Variants in PRR14L observed in about 807,000 individuals in gnomAD.
PRR14L encodes protein PRR14L.
Under a neutral mutation model 155.0 loss-of-function variants are expected in PRR14L, and 80 were observed. The ratio of observed to expected loss-of-function variants is 0.52; its 90% confidence interval spans 0.43 to 0.62. The LOEUF is 0.62. Among genes scored for constraint, PRR14L ranks in the 20% least tolerant of loss-of-function variants. PRR14L has a pLI of 0.00. For missense variants in PRR14L, 2,469 were observed against 2,548.0 expected (o/e 0.97, Z 0.67); for synonymous variants, 883 against 916.0 (o/e 0.96, Z 0.65).
chr22:31,715,356 A>T lies in PRR14L; in HGVS notation c.2483T>A (p.Phe828Tyr), dbSNP rs1326000381. The T allele has an allele frequency of 1.3e-6, 2 of 1,552,084 alleles. No homozygotes were observed. Among genetic ancestry groups the T allele is most frequent in the South Asian group, 2.4e-5 (2 of 84,066 alleles). The change falls in exon 4 of 9, where the codon TTT (phenylalanine) becomes TAT (tyrosine). Residue 828 changes from phenylalanine (F) to tyrosine (Y), a missense_variant. Physicochemically the swap from Phe to Tyr is conservative, Grantham distance 22 (BLOSUM62 3). Coordinates refer to ENST00000327423, the MANE Select transcript of PRR14L (RefSeq NM_173566.3). ...NSLITKYENA[F>Y]QHRDHCCQGT... ...TTGGCAGCAGTGATCACGGTGCTGA[A>T]ATGCATTTTCATATTTTGTTATCAA...
In PRR14L at chr22:31,714,455, T is replaced by C. The variant is rs1285328083; in HGVS notation, c.3384A>G (p.Ile1128Met). 2.6e-6 allele frequency: 4 copies of C among 1,551,788 alleles called. No homozygotes were observed. The highest frequency in any genetic ancestry group is 3.5e-6 in the Non-Finnish European group (4 of 1,146,996). Residue 1128 changes from isoleucine to methionine, a missense_variant, in exon 4 of 9, where the codon ATA becomes ATG. Physicochemically the swap from Ile to Met is conservative, Grantham distance 10. Coordinates refer to ENST00000327423, the MANE Select transcript of PRR14L (RefSeq NM_173566.3). ...ATACGTTTTCTTCACATGATTTTTT[T>C]ATTTTGAGAAAGTCCACTGTAGAAG... ...TAASTVDFLK[I>M]KKSCEENVCR...
At chr22:31,708,730 G>C (rs901776959) in intron 4 of PRR14L, among the ~76,000 whole-genome samples, 2 of 151,872 alleles carry the variant, frequency 1.3e-5, no homozygotes, top group African/African-American at 4.8e-5. Flanking sequence ...AACCTCTGCT[G>C]ATTCTTGTGC....
chr22:31,721,772 T>G (rs1012032770), intron 3 of PRR14L, among the ~76,000 whole-genome samples: 1 of 152,224 alleles, frequency 6.6e-6, no homozygotes. Context: ...TCTTTTCAAA[T>G]TATACGATGT....
At chr22:31,724,335 T>C (rs1014427791) in intron 3 of PRR14L, among the ~76,000 whole-genome samples, 7 of 152,250 alleles carry the variant, frequency 4.6e-5, no homozygotes, top group Non-Finnish European at 8.8e-5. Context: ...AAAAACTGTC[T>C]TGCACGAAAC....
chr22:31,725,336 G>A (rs568959631), intron 3 of PRR14L, among the ~76,000 whole-genome samples: 1 of 152,296 alleles, frequency 6.6e-6, no homozygotes, highest in African/African-American at 2.4e-5. Flanking sequence ...AGCCCGGGAG[G>A]TTGAGGCTGC....
intron 4 of PRR14L, among the ~76,000 whole-genome samples, chr22:31,710,017 T>G (rs1854909645): frequency 6.6e-6 from 1 of 152,122 alleles, no homozygotes; most frequent in African/African-American, 2.4e-5. Flanking sequence ...CCTGGCTCAC[T>G]GCAACCTCTG....
In PRR14L at chr22:31,714,491, T is replaced by C. The variant is rs1436927977; in HGVS notation, c.3348A>G (p.Pro1116=). ...AGTCCACTGTAGAAGCAGCAGTAACTGGGAAATCTGAATCCTGACCAGTTG... is the reference window on the plus strand; with the variant it reads ...AGTCCACTGTAGAAGCAGCAGTAACCGGGAAATCTGAATCCTGACCAGTTG... ...TGTTGQDSDF[P]VTAASTVDFL... is the part of the protein sequence containing the mutation. Residue 1116 remains proline, a synonymous_variant, in exon 4 of 9, where the codon CCA becomes CCG. Transcript: ENST00000327423. 11 of 1,552,054 alleles carry C rather than the reference T, an allele frequency of 7.1e-6. No homozygotes were observed. In the Admixed American group the frequency reaches 1.6e-4, roughly 22 times the overall value.
intron 2 of PRR14L, among the ~76,000 whole-genome samples, chr22:31,736,774 C>T (rs1346207124): frequency 6.6e-6 from 1 of 152,082 alleles, no homozygotes; most frequent in Non-Finnish European, 1.5e-5. Context: ...CATGGTGGCT[C>T]CTGCCTGTAA....
chr22:31,722,498 G>A (rs930331394), intron 3 of PRR14L, among the ~76,000 whole-genome samples: 2 of 150,844 alleles, frequency 1.3e-5, no homozygotes, highest in Non-Finnish European at 3.0e-5. Flanking sequence ...CTGGAGACAA[G>A]CTTGGTTTCT....
Position 31,713,573 on chromosome 22 carries a change from A to G in PRR14L, c.4266T>C (p.Ser1422=), listed in dbSNP as rs576341806. ...GATTTTGTGCATCATCTAACAACAG[A>G]CTAGATGATATGCACTGTTGCGATA... ...HTISQQCISS[S]LLLDDAQNQN... The change falls in exon 4 of 9, where the codon AGT becomes AGC. Residue 1422 remains serine, a synonymous_variant. Transcript: ENST00000327423. 6 of 1,551,910 alleles carry G rather than the reference A, an allele frequency of 3.9e-6. No individual in the cohort carries two copies. The highest frequency in any genetic ancestry group is 5.2e-6 in the Non-Finnish European group (6 of 1,147,066).
At chr22:31,703,748 T>C (rs748728914) in intron 5 of PRR14L, 27 bp from the exon 6 acceptor site, 3 of 1,425,328 alleles carry the variant, frequency 2.1e-6, no homozygotes, top group South Asian at 1.5e-5. Flanking sequence ...AAAGAAGATA[T>C]GAGAGGGGTT....
chr22:31,707,391 T>C (rs1309275641), intron 4 of PRR14L, among the ~76,000 whole-genome samples: 3 of 152,072 alleles, frequency 2.0e-5, no homozygotes, highest in Non-Finnish European at 2.9e-5. Context: ...ACAACCTATT[T>C]TTTTTGGGAG....
chr22:31,706,364 CAAAA>C (rs1192585065), intron 4 of PRR14L, among the ~76,000 whole-genome samples: 2 of 57,132 alleles, frequency 3.5e-5, no homozygotes, highest in African/African-American at 6.3e-5. Flanking sequence ...CTCTATCTCA[CAAAA>C]AAAAAAAAAA....
At chr22:31,691,048 C>G (rs1432989017) in intron 7 of PRR14L, among the ~76,000 whole-genome samples, 1 of 151,638 alleles carries the variant, frequency 6.6e-6, no homozygotes, top group East Asian at 1.9e-4. Context: ...ACTGCAACAT[C>G]CGCATTCCGG....
At position 31,714,674 on chromosome 22, in the gene PRR14L, G is replaced by A. The variant is rs763408258; in HGVS notation, c.3165C>T (p.Ile1055=). 13 of 1,551,866 alleles carry A rather than the reference G, an allele frequency of 8.4e-6. No individual in the cohort carries two copies. The highest frequency in any genetic ancestry group is 7.8e-5 in the Admixed American group (4 of 50,974). The stretch of plus-strand genomic sequence containing the variant: ...GCTTATTACTACAGTCCGTGTAGAC[G>A]ATGTCTACCATACCTTCTGTGGACT... ...CDESTEGMVD[I]VYTDCSNKLA... Residue 1055 remains isoleucine, a synonymous_variant, in exon 4 of 9, where the codon ATC becomes ATT. Coordinates refer to ENST00000327423, the MANE Select transcript of PRR14L (RefSeq NM_173566.3).
intron 2 of PRR14L, among the ~76,000 whole-genome samples, chr22:31,733,557 G>A (rs567741489): frequency 1.3e-5 from 2 of 151,946 alleles, no homozygotes; most frequent in Non-Finnish European, 2.9e-5. Context: ...CACCCGCCTC[G>A]GCCCCCCGAA....
chr22:31,700,737 G>A (rs2147856746), intron 7 of PRR14L, among the ~76,000 whole-genome samples: 1 of 152,260 alleles, frequency 6.6e-6, no homozygotes, highest in South Asian at 2.1e-4. Context: ...TGCAGTTTTA[G>A]TAGAGACGGG....
chr22:31,700,464 A>G (rs2074557452), intron 7 of PRR14L, among the ~76,000 whole-genome samples: 1 of 152,276 alleles, frequency 6.6e-6, no homozygotes, highest in South Asian at 2.1e-4. Flanking sequence ...GAAGTGGAAC[A>G]TCAATCATGA....
rs1365392914 is a variant in PRR14L, at chr22:31,738,484, C to A, written c.377G>T (p.Gly126Val). 1 of 1,552,122 alleles carries A rather than the reference C, an allele frequency of 6.4e-7. No individual in the cohort carries two copies. Among genetic ancestry groups the A allele is most frequent in the African/African-American group, 1.4e-5 (1 of 73,166 alleles). The change falls in exon 2 of 9, where the codon GGG becomes GTG. Residue 126 changes from glycine (G) to valine (V), a missense_variant. Coordinates refer to ENST00000327423, the MANE Select transcript of PRR14L (RefSeq NM_173566.3). ...SMEPKVFRDP[G>V]GQAGIIREPS... The stretch of plus-strand genomic sequence containing the variant: ...TTCTCTTATAATTCCTGCCTGGCCC[C>A]CTGGATCTCTGAAGACCTTTGGCTC...
Sources: allele counts gnomAD v4.1 joint callset (sites outside exome capture counted in the v4.1 genomes callset), GRCh38; gene constraint gnomAD v4.1.1; transcripts MANE v1.5; gene names NCBI Gene and HGNC (gene_info 2026-07-23, HGNC 2026-07-21).